ARSK: variants seen among roughly 807,000 people sequenced by gnomAD.
The protein encoded by ARSK is arylsulfatase family member K, also known as arylsulfatase K.
Under a neutral mutation model 53.2 loss-of-function variants are expected in ARSK, and 37 were observed. The observed-to-expected ratio is 0.70, with a 90% CI of 0.54 to 0.92. The LOEUF is 0.92. Ranked by LOEUF, ARSK falls within the 40% of genes least tolerant of loss-of-function variation. The probability of loss-of-function intolerance (pLI) is 0.00; values close to 1 mark genes in which losing one functional copy is unlikely to be tolerated. For synonymous variants in ARSK, 208 were observed against 223.2 expected (o/e 0.93, Z 0.61); for missense variants, 613 against 643.0 (o/e 0.95, Z 0.51).
At chr5:95,572,891 C>T (rs1254462150) in intron 3 of ARSK, among the ~76,000 whole-genome samples, 1 of 152,196 alleles carries the variant, frequency 6.6e-6, no homozygotes, top group Non-Finnish European at 1.5e-5. Flanking sequence ...ATACACCACC[C>T]CCACCTCTAC....
chr5:95,599,713 C>G (rs1749366496), intron 6 of ARSK, among the ~76,000 whole-genome samples: 1 of 152,056 alleles, frequency 6.6e-6, no homozygotes, highest in Non-Finnish European at 1.5e-5. Context: ...AGTCTTCTTC[C>G]AAGGAAAATG....
intron 4 of ARSK, among the ~76,000 whole-genome samples, chr5:95,583,931 T>G (rs1749064740): frequency 6.6e-6 from 1 of 152,224 alleles, no homozygotes; most frequent in Admixed American, 6.5e-5. Flanking sequence ...TGGGACATCT[T>G]TATCCTTTTC....
Position 95,555,173 on chromosome 5 carries a change from T to C in ARSK, c.-106T>C. The C allele has an allele frequency of 8.9e-7, 1 of 1,122,716 alleles. No individual in the cohort carries two copies. Among genetic ancestry groups the C allele is most frequent in the Non-Finnish European group, 1.2e-6 (1 of 805,532 alleles). 69.5% of individuals were successfully genotyped at this position (1,122,716 alleles called of 1,614,324 possible). On this transcript the variant is annotated 5_prime_UTR_variant, in exon 1 of 8. Coordinates refer to ENST00000380009, the MANE Select transcript of ARSK (RefSeq NM_198150.3). The surrounding 1 kb of genome is among the most constrained non-coding windows in gnomAD (Gnocchi z 4.0). ...CGGCGTTACTATCAAGCAACCAAACTGCAAGCTTTGGGAGTTGTTCGCTGT... is the reference window on the plus strand; with the variant it reads ...CGGCGTTACTATCAAGCAACCAAACCGCAAGCTTTGGGAGTTGTTCGCTGT...
At chr5:95,564,226 C>T (rs1386624834) in intron 1 of ARSK, among the ~76,000 whole-genome samples, 2 of 152,166 alleles carry the variant, frequency 1.3e-5, no homozygotes, top group Non-Finnish European at 2.9e-5. Flanking sequence ...GATCTGCCTG[C>T]CTCAGCCTCC....
At chr5:95,574,567 T>G (rs1441007770) in intron 3 of ARSK, among the ~76,000 whole-genome samples, 1 of 152,234 alleles carries the variant, frequency 6.6e-6, no homozygotes, top group Non-Finnish European at 1.5e-5. Context: ...CATTATAGTT[T>G]TGATTTGCAT....
In ARSK at chr5:95,586,652, A is replaced by G; in HGVS notation, c.790A>G (p.Thr264Ala). The change falls in exon 5 of 8, where the codon ACT (threonine) becomes GCT (alanine). Residue 264 changes from threonine to alanine, a missense_variant. Coordinates refer to ENST00000380009, the MANE Select transcript of ARSK (RefSeq NM_198150.3). ...TTACTCTTCTTATACAAAAAACTGC[A>G]CTGGAAGATTTACAAAAAAAGAAAT... ...DYYSSYTKNC[T>A]GRFTKKEIKN... 3 of 1,611,286 alleles carry G rather than the reference A, an allele frequency of 1.9e-6. No homozygotes were observed. The highest frequency in any genetic ancestry group is 1.1e-5 in the South Asian group (1 of 90,714).
At chr5:95,561,904 T>C (rs1427711763) in intron 1 of ARSK, among the ~76,000 whole-genome samples, 1 of 152,154 alleles carries the variant, frequency 6.6e-6, no homozygotes, top group Non-Finnish European at 1.5e-5. Context: ...TATATCTTAA[T>C]AAACCCATTT....
chr5:95,556,330 C>T (rs949884831), intron 1 of ARSK: 3 of 680,558 alleles, frequency 4.4e-6, no homozygotes, highest in Middle Eastern at 2.4e-4. Context: ...GACTAGATGG[C>T]ATTTTATTAC....
intron 3 of ARSK, among the ~76,000 whole-genome samples, chr5:95,571,381 A>G (rs12516781): frequency 0.13 from 20,536 of 152,256 alleles, 1,741 homozygotes; most frequent in South Asian, 0.22. Flanking sequence ...TAGTGCCAGT[A>G]CATTGTAGGT....
chr5:95,587,928 TTAAGGACTCA>T (rs1749150405), intron 5 of ARSK, among the ~76,000 whole-genome samples: 3 of 151,838 alleles, frequency 2.0e-5, no homozygotes, highest in South Asian at 2.1e-4. Flanking sequence ...AAAAAAGTAT[TTAAGGACTCA>T]TAAGGACTTT....
At chr5:95,587,457 T>G (rs1177596704) in intron 5 of ARSK, among the ~76,000 whole-genome samples, 1 of 152,218 alleles carries the variant, frequency 6.6e-6, no homozygotes, top group Non-Finnish European at 1.5e-5. Context: ...TAGTGAAGCG[T>G]AGGTAGCACC....
rs992819063 is a variant in ARSK at position 95,602,732 on chromosome 5, A to G, written c.1322-505A>G. Among the ~76,000 whole-genome samples the G allele has an allele frequency of 7.9e-5, 12 of 152,170 alleles. 1 individual carries two copies. Among genetic ancestry groups the G allele is most frequent in the African/African-American group, 2.9e-4 (12 of 41,440 alleles). On this transcript the variant is annotated intron_variant, in intron 7 of 7. Coordinates refer to ENST00000380009, the MANE Select transcript of ARSK (RefSeq NM_198150.3). ...TTGTATTTCCATGGCTGTTTGTTCA[A>G]ATGGACAGTACTGATGAATGTAACT...
chr5:95,589,636 G>T (rs573811429), intron 5 of ARSK, among the ~76,000 whole-genome samples: 10 of 152,278 alleles, frequency 6.6e-5, no homozygotes, highest in African/African-American at 2.4e-4. Flanking sequence ...GCGTAGTATT[G>T]CATGGTGTAG....
At chr5:95,592,254 C>G (rs974273185) in intron 6 of ARSK, among the ~76,000 whole-genome samples, 1 of 152,242 alleles carries the variant, frequency 6.6e-6, no homozygotes, top group South Asian at 2.1e-4. Context: ...ACTAGTTTCT[C>G]TGTTCTAAGG....
rs60974669 is a variant in ARSK, at chr5:95,576,200, C to CTTTT, written c.417-6702_417-6699dup. On this transcript the variant is annotated intron_variant, in intron 3 of 7. Coordinates refer to ENST00000380009, the MANE Select transcript of ARSK (RefSeq NM_198150.3). The stretch of plus-strand genomic sequence containing the variant: ...TATGATGTCTCACGTAAGTGTATAC[C>CTTTT]TTTTTTTTTTTTTTTTTGAGATGGA... Among the ~76,000 whole-genome samples, 1,216 of 130,208 alleles carry CTTTT rather than the reference C, an allele frequency of 9.3e-3. 44 individuals are homozygous for CTTTT. Among genetic ancestry groups the CTTTT allele is most frequent in the African/African-American group, 0.034 (1,112 of 32,790 alleles). The allele number at this position is 130,208 out of a possible 152,430, so 85.4% of individuals were successfully genotyped here.
intron 3 of ARSK, among the ~76,000 whole-genome samples, chr5:95,574,537 T>A (rs1748889214): frequency 6.6e-6 from 1 of 152,154 alleles, no homozygotes; most frequent in Non-Finnish European, 1.5e-5. Context: ...ATAAAAGCCA[T>A]TTTAGCTGAG....
At chr5:95,561,339 T>A (rs566153561) in intron 1 of ARSK, among the ~76,000 whole-genome samples, 1 of 152,308 alleles carries the variant, frequency 6.6e-6, no homozygotes, top group South Asian at 2.1e-4. Context: ...CCATTGGAAA[T>A]CAGTTTGGCA....
At chr5:95,589,339 A>T (rs1194102333) in intron 5 of ARSK, among the ~76,000 whole-genome samples, 1 of 152,162 alleles carries the variant, frequency 6.6e-6, no homozygotes, top group African/African-American at 2.4e-5. Context: ...TACATAGGTA[A>T]ACGTGTGCAT....
At chr5:95,568,198 G>A in intron 3 of ARSK, 149 bp downstream of exon 3, 4 of 859,140 alleles carry the variant, frequency 4.7e-6, no homozygotes, top group Non-Finnish European at 6.8e-6. Flanking sequence ...TGAAATTTTA[G>A]CTTTCTTTCA....
Sources: allele counts gnomAD v4.1 joint callset (sites outside exome capture counted in the v4.1 genomes callset), GRCh38; gene constraint gnomAD v4.1.1; non-coding constraint Gnocchi (gnomAD v3.1); transcripts MANE v1.5; gene names NCBI Gene and HGNC (gene_info 2026-07-23, HGNC 2026-07-21).